The following KSR2 variants were observed in gnomAD, a reference collection of about 807,000 sequenced individuals.
KSR2 encodes kinase suppressor of ras 2.
KSR2 carries 25 observed loss-of-function variants against 107.8 expected under a neutral mutation model. The observed-to-expected ratio is 0.23, with a 90% CI of 0.17 to 0.32. The LOEUF (loss-of-function observed/expected upper bound fraction) is 0.32, where lower values mean the gene tolerates loss of function less well. Ranked by LOEUF, KSR2 falls within the 10% of genes least tolerant of loss-of-function variation. The pLI, the probability that KSR2 is intolerant of heterozygous loss-of-function variation, is 1.00. For synonymous variants in KSR2, 480 were observed against 507.0 expected (o/e 0.95, Z 0.71); for missense variants, 887 against 1,268.9 (o/e 0.70, Z 4.57).
At chr12:117,725,715 C>G (rs1024731028) in intron 4 of KSR2, among the ~76,000 whole-genome samples, 3 of 152,030 alleles carry the variant, frequency 2.0e-5, no homozygotes, top group Non-Finnish European at 4.4e-5. Context: ...TTTGGAACAC[C>G]TAGGCAGATC....
At position 117,473,207 on chromosome 12, in the gene KSR2, C is replaced by G. The variant is rs531368502; in HGVS notation, c.2583-1887G>C. Among the ~76,000 whole-genome samples the G allele has an allele frequency of 2.6e-5, 4 of 152,294 alleles. No individual in the cohort carries two copies. In the East Asian group the frequency reaches 7.7e-4, roughly 29 times the overall value. ...CTCCAGACCGACCCTGGTGCTGCCC[C>G]CTGTGGACACTGCATGGTGTGGCAC... On this transcript the variant is annotated intron_variant, in intron 17 of 19. Transcript: ENST00000339824.
chr12:117,843,212 A>T lies in KSR2; in HGVS notation c.472+12216T>A, dbSNP rs113176318. 3.0e-4 allele frequency among the ~76,000 whole-genome samples: 46 copies of T among 152,236 alleles called. 1 individual carries two copies. Among genetic ancestry groups the T allele is most frequent in the African/African-American group, 1.0e-3 (42 of 41,534 alleles). On this transcript the variant is annotated intron_variant, in intron 3 of 19. Transcript: ENST00000339824. ...GTAGTTAGACAGAAAGGGAACACCG[A>T]GGGATGAAGGAGGGAGAGAGGAAGG... is the stretch of plus-strand genomic sequence containing the variant.
chr12:117,793,765 C>T (rs1890413676), intron 3 of KSR2, among the ~76,000 whole-genome samples: 2 of 146,206 alleles, frequency 1.4e-5, no homozygotes, highest in Admixed American at 6.8e-5. Context: ...CCAACATGCA[C>T]ACATGCAACA....
chr12:117,597,143 G>A (rs1424375492), intron 5 of KSR2, among the ~76,000 whole-genome samples: 1 of 152,110 alleles, frequency 6.6e-6, no homozygotes, highest in Non-Finnish European at 1.5e-5. Flanking sequence ...GAATTCTTGG[G>A]CCAAAGCCAA....
At chr12:117,530,878 G>A in intron 12 of KSR2, 63 bp downstream of exon 12, 1 of 1,413,186 alleles carries the variant, frequency 7.1e-7, no homozygotes, top group Non-Finnish European at 1.0e-6. Context: ...GGGAACCTGA[G>A]TGGATTGTAG....
At chr12:117,726,420 AG>A (rs1887428110) in intron 4 of KSR2, among the ~76,000 whole-genome samples, 1 of 152,168 alleles carries the variant, frequency 6.6e-6, no homozygotes, top group Non-Finnish European at 1.5e-5. Context: ...GCAAGGAGAT[AG>A]GGCGGGATTT....
At chr12:117,941,792 A>ATTTTTTTTTT (rs542293863) in intron 1 of KSR2, among the ~76,000 whole-genome samples, 2 of 97,796 alleles carry the variant, frequency 2.0e-5, no homozygotes, top group Non-Finnish European at 3.8e-5. Context: ...GGCCTGGCTA[A>ATTTTTTTTTT]TTTTTTTTTT....
chr12:117,913,022 A>G (rs1377970169), intron 1 of KSR2, among the ~76,000 whole-genome samples: 1 of 152,208 alleles, frequency 6.6e-6, no homozygotes, highest in Non-Finnish European at 1.5e-5. Context: ...CAGCAGGCCC[A>G]GAGGTGAGAG....
At chr12:117,749,233 CCTAAG>C (rs2136819150) in intron 4 of KSR2, among the ~76,000 whole-genome samples, 1 of 151,224 alleles carries the variant, frequency 6.6e-6, no homozygotes, top group South Asian at 2.1e-4. Flanking sequence ...CAGGTGACAT[CCTAAG>C]TACAGCTAGG....
intron 3 of KSR2, among the ~76,000 whole-genome samples, chr12:117,795,703 A>T (rs1787671839): frequency 6.6e-6 from 1 of 152,082 alleles, no homozygotes; most frequent in Non-Finnish European, 1.5e-5. Flanking sequence ...ATCATAGCTT[A>T]CTGCAGCCTT....
At chr12:117,514,012 T>C (rs564879510) in intron 14 of KSR2, among the ~76,000 whole-genome samples, 2 of 152,348 alleles carry the variant, frequency 1.3e-5, no homozygotes, top group Admixed American at 1.3e-4. Flanking sequence ...GCTGTCCCCA[T>C]ACTCCCAAAT....
intron 10 of KSR2, among the ~76,000 whole-genome samples, chr12:117,533,297 C>T (rs888704194): frequency 6.6e-6 from 1 of 152,230 alleles, no homozygotes; most frequent in Non-Finnish European, 1.5e-5. Flanking sequence ...TAGTTTCTTT[C>T]AGGACAGGGA....
chr12:117,940,081 A>T (rs906367572), intron 1 of KSR2, among the ~76,000 whole-genome samples: 1 of 152,152 alleles, frequency 6.6e-6, no homozygotes, highest in African/African-American at 2.4e-5. Flanking sequence ...GAATATAATT[A>T]CCAGTTTATG....
chr12:117,671,608 T>C (rs868170818), intron 4 of KSR2, among the ~76,000 whole-genome samples: 11 of 152,224 alleles, frequency 7.2e-5, no homozygotes, highest in African/African-American at 2.4e-4. Flanking sequence ...CACATGACTG[T>C]AGGCTCCTTG....
intron 4 of KSR2, chr12:117,674,304 G>T (rs779979531): frequency 2.0e-6 from 1 of 508,854 alleles, no homozygotes; most frequent in Non-Finnish European, 3.9e-6. Context: ...CTGCCTCCTC[G>T]CTGGAATCGC....
intron 1 of KSR2, among the ~76,000 whole-genome samples, chr12:117,930,243 AG>A: frequency 6.6e-6 from 1 of 152,132 alleles, no homozygotes. Context: ...CATGTTGCCC[AG>A]GCGGGTCTCA....
intron 1 of KSR2, among the ~76,000 whole-genome samples, chr12:117,919,798 T>A (rs1895287112): frequency 6.6e-6 from 1 of 152,240 alleles, no homozygotes; most frequent in African/African-American, 2.4e-5. Flanking sequence ...TTGAAGCCTC[T>A]ATTAGCTTAA....
At chr12:117,736,677 G>A (rs1348208997) in intron 4 of KSR2, among the ~76,000 whole-genome samples, 1 of 151,994 alleles carries the variant, frequency 6.6e-6, no homozygotes, top group Non-Finnish European at 1.5e-5. Flanking sequence ...GTTGGGTGTG[G>A]TGGTGCATGC....
At chr12:117,966,615 ACG>A (rs772038198) in intron 1 of KSR2, among the ~76,000 whole-genome samples, 12,291 of 130,426 alleles carry the variant, frequency 0.094, 1,706 homozygotes, top group African/African-American at 0.33. Context: ...TCTCTCTCAC[ACG>A]CGCACGCACA....
Sources: gnomAD v4.1 joint callset for allele counts (sites outside exome capture counted in the v4.1 genomes callset) on GRCh38, gnomAD v4.1.1 for gene constraint, MANE v1.5 for transcripts, NCBI Gene and HGNC (gene_info 2026-07-23, HGNC 2026-07-21) for gene names.